Variants in NAALADL1 observed in about 807,000 individuals in gnomAD.
NAALADL1 encodes the protein aminopeptidase NAALADL1.
NAALADL1 carries 77 observed loss-of-function variants against 82.8 expected under a neutral mutation model. The ratio of observed to expected loss-of-function variants is 0.93; its 90% CI spans 0.77 to 1.12. The LOEUF is 1.12. Among genes scored for constraint, NAALADL1 ranks in the 50% most tolerant of loss-of-function variants. The probability of loss-of-function intolerance (pLI) is 0.00; values close to 1 mark genes in which losing one functional copy is unlikely to be tolerated. For synonymous variants in NAALADL1, 358 were observed against 399.2 expected (o/e 0.90, Z 1.23); for missense variants, 956 against 964.0 (o/e 0.99, Z 0.11).
At chr11:65,060,475 G>A (rs1369796362), upstream of NAALADL1, among the ~76,000 whole-genome samples, 1 of 152,138 alleles carries the variant, frequency 6.6e-6, no homozygotes, top group Non-Finnish European at 1.5e-5. Context: ...GGATGCCAAG[G>A]TCAGCTGATA....
In NAALADL1 at chr11:65,058,411, G is replaced by A. The variant is rs754980357; in HGVS notation, c.111C>T (p.Pro37=). The A allele has an allele frequency of 6.2e-7, 1 of 1,614,040 alleles. No homozygotes were observed. The highest frequency in any genetic ancestry group is 1.3e-5 in the African/African-American group (1 of 74,922). The change falls in exon 1 of 18, where the codon CCC becomes CCT. Residue 37 remains proline (P), a synonymous_variant. Coordinates refer to ENST00000358658, the MANE Select transcript of NAALADL1 (RefSeq NM_005468.3). ...AIPKKANSLA[P]QDLDLEILET... ...CCAGGATCTCCAGGTCCAGGTCCTG[G>A]GGGGCCAGTGAGTTGGCTTTTTTGG... is the stretch of plus-strand genomic sequence containing the variant.
At chr11:65,057,549 A>G (rs961152452) in intron 3 of NAALADL1, 56 bp from the exon 4 acceptor site, 9 of 1,570,442 alleles carry the variant, frequency 5.7e-6, no homozygotes, top group Non-Finnish European at 7.8e-6. Flanking sequence ...GTGGGTGGGG[A>G]AGGGGGGTGG....
In NAALADL1 at chr11:65,046,332, G is replaced by C; in HGVS notation, c.1712C>G (p.Thr571Arg). Reference protein sequence around the residue: ...GFSSHQAVARTAGSVILRLSD... With the variant: ...GFSSHQAVARRAGSVILRLSD... Reference sequence around the variant, plus strand: ...GAGCCGGAGAATCACACTCCCCGCTGTCCGGGCCACAGCCTGATGGCTGCT... The same window carrying C: ...GAGCCGGAGAATCACACTCCCCGCTCTCCGGGCCACAGCCTGATGGCTGCT... The change falls in exon 15 of 18, where the codon ACA becomes AGA. Residue 571 changes from threonine to arginine, a missense_variant. Physicochemically the swap from Thr to Arg is moderately conservative, Grantham distance 71 (BLOSUM62 -1). Coordinates refer to ENST00000358658, the MANE Select transcript of NAALADL1 (RefSeq NM_005468.3). 1 of 1,614,220 alleles carries C rather than the reference G, an allele frequency of 6.2e-7. No individual in the cohort carries two copies. Among genetic ancestry groups the C allele is most frequent in the Non-Finnish European group, 8.5e-7 (1 of 1,180,046 alleles).
At chr11:65,059,456 G>A (rs1346935384), upstream of NAALADL1, among the ~76,000 whole-genome samples, 1 of 152,172 alleles carries the variant, frequency 6.6e-6, no homozygotes, top group Non-Finnish European at 1.5e-5. Flanking sequence ...GAAGAAGGAG[G>A]ACCCAGAAGA....
At chr11:65,060,123 CGTGTGT>C (rs139317710), upstream of NAALADL1, among the ~76,000 whole-genome samples, 259 of 147,462 alleles carry the variant, frequency 1.8e-3, no homozygotes, top group African/African-American at 5.9e-3. Flanking sequence ...CAGGGCAGAG[CGTGTGT>C]GTGTGTGTGT....
intron 4 of NAALADL1, among the ~76,000 whole-genome samples, chr11:65,055,918 T>C (rs1326423494): frequency 2.7e-5 from 4 of 149,858 alleles, no homozygotes; most frequent in Non-Finnish European, 4.4e-5. Flanking sequence ...GAGGTCTTGC[T>C]CTTGTCCCCC....
upstream of NAALADL1, among the ~76,000 whole-genome samples, chr11:65,060,666 C>T (rs777725614): frequency 4.6e-5 from 7 of 152,156 alleles, no homozygotes; most frequent in Non-Finnish European, 1.0e-4. Flanking sequence ...GTGTGTGACA[C>T]CCAAGAGATC....
At position 65,047,530 on chromosome 11, in the gene NAALADL1, G is replaced by A; in HGVS notation, c.1544C>T (p.Pro515Leu). Reference protein sequence around the residue: ...GSLGAGSDYAPFVHFLGISSM... With the variant: ...GSLGAGSDYALFVHFLGISSM... ...GGAGATGCCCAGGAAGTGAACGAAG[G>A]GTGCATAGTCGCTGCCAGCACCCAG... is the stretch of plus-strand genomic sequence containing the variant. The change falls in exon 13 of 18, where the codon CCC becomes CTC. Residue 515 changes from proline to leucine, a missense_variant. Physicochemically the swap from Pro to Leu is moderately conservative, Grantham distance 98. Coordinates refer to ENST00000358658, the MANE Select transcript of NAALADL1 (RefSeq NM_005468.3). The A allele has an allele frequency of 6.4e-7, 1 of 1,572,394 alleles. No homozygotes were observed. The highest frequency in any genetic ancestry group is 8.6e-7 in the Non-Finnish European group (1 of 1,158,768).
Position 65,054,477 on chromosome 11 carries a change from G to A in NAALADL1, c.865C>T (p.Gln289Ter), listed in dbSNP as rs1431177763. ...PPIPTQPIGF[Q>*]DARDLLCNLN... ...CACCAGAGCAGGTCTCTTGCATCCT[G>A]GAAGCCAATGGGCTGTGTAGGAATT... Residue 289 changes from glutamine to a stop codon, truncating the protein, a stop_gained, in exon 5 of 18, where the codon CAG becomes TAG. Coordinates refer to ENST00000358658, the MANE Select transcript of NAALADL1 (RefSeq NM_005468.3). LOFTEE classifies it high-confidence loss of function. This position sits in a 1 kb window ranked among gnomAD's most constrained non-coding sequence, Gnocchi z 4.3. 3 of 1,614,000 alleles carry A rather than the reference G, an allele frequency of 1.9e-6. No individual in the cohort carries two copies. The African/African-American group carries it at 4.0e-5, about 22-fold the overall frequency.
chr11:65,045,961 A>T (rs376296923), intron 16 of NAALADL1, 47 bp from the exon 17 acceptor site: 8 of 1,612,148 alleles, frequency 5.0e-6, no homozygotes, highest in Non-Finnish European at 5.9e-6. Flanking sequence ...CCAGCAGCCC[A>T]GCTACCAGCC....
At chr11:65,051,086 G>GT (rs1456185521) in intron 8 of NAALADL1, among the ~76,000 whole-genome samples, 6 of 151,974 alleles carry the variant, frequency 3.9e-5, no homozygotes, top group African/African-American at 1.5e-4. Flanking sequence ...TTACATCTCT[G>GT]TAAGTCTGAA....
rs1946942669 is a variant in NAALADL1, at chr11:65,053,342, C to T, written c.1079-5G>A. 6.3e-7 allele frequency: 1 copy of T among 1,588,830 alleles called. No homozygotes were observed. The highest frequency in any genetic ancestry group is 1.1e-5 in the South Asian group (1 of 87,710). ...TCCCATACAGCACGTAGCGATCTGG[C>T]CAGAGGAAAAGGGGCAGAGAACCAG... On this transcript the variant is annotated splice_region_variant and splice_polypyrimidine_tract_variant and intron_variant, in intron 7 of 17. Transcript: ENST00000358658. The surrounding 1 kb of genome is among the most constrained non-coding windows in gnomAD (Gnocchi z 4.3).
rs1212454499 is a variant in NAALADL1, at chr11:65,058,071, A to G, written c.358+7T>C. 6.8e-6 allele frequency: 11 copies of G among 1,611,010 alleles called. No individual in the cohort carries two copies. Among genetic ancestry groups the G allele is most frequent in the African/African-American group, 1.3e-5 (1 of 74,852 alleles). On this transcript the variant is annotated splice_region_variant and intron_variant, in intron 2 of 17. Transcript: ENST00000358658. Reference sequence around the variant, plus strand: ...CCGGGCATTCCCAAGACTGGGCAGGACCTCACCGATGTCCACGACGTTGGG... The same window carrying G: ...CCGGGCATTCCCAAGACTGGGCAGGGCCTCACCGATGTCCACGACGTTGGG...
intron 8 of NAALADL1, among the ~76,000 whole-genome samples, chr11:65,050,568 T>A (rs1946859796): frequency 6.6e-6 from 1 of 150,488 alleles, no homozygotes; most frequent in Admixed American, 6.7e-5. Context: ...AGCGGGTGGA[T>A]CACCTGAGGT....
At position 65,045,842 on chromosome 11, in the gene NAALADL1, G is replaced by C. The variant is rs147599851; in HGVS notation, c.2016C>G (p.Phe672Leu). The change falls in exon 17 of 18, where the codon TTC (phenylalanine) becomes TTG (leucine). Residue 672 changes from phenylalanine to leucine, a missense_variant. Transcript: ENST00000358658. ...LERTFLNPRA[F>L]PEERYYSHVL... Reference sequence around the variant, plus strand: ...CTCACCTGTAGTAGCGTTCCTCTGGGAAGGCTCTAGGGTTCAGAAAGGTCC... The same window carrying C: ...CTCACCTGTAGTAGCGTTCCTCTGGCAAGGCTCTAGGGTTCAGAAAGGTCC... 3.6e-5 allele frequency: 58 copies of C among 1,614,066 alleles called. 1 individual carries two copies. Among genetic ancestry groups the C allele is most frequent in the Middle Eastern group, 3.3e-4 (2 of 6,026 alleles).
In NAALADL1 at chr11:65,054,414, G is replaced by T; in HGVS notation, c.887+41C>A. On this transcript the variant is annotated intron_variant, in intron 5 of 17. Transcript: ENST00000358658. The surrounding 1 kb of genome is among the most constrained non-coding windows in gnomAD (Gnocchi z 4.3). ...TGAGTGTGGGGCTTGAAGTCTGGAG[G>T]CCACTGGGGCTGGGCAGGACACCCC... The T allele has an allele frequency of 6.2e-7, 1 of 1,612,346 alleles. No homozygotes were observed. Among genetic ancestry groups the T allele is most frequent in the Non-Finnish European group, 8.5e-7 (1 of 1,178,624 alleles).
chr11:65,053,004 C>T lies in NAALADL1; in HGVS notation c.1198+214G>A, dbSNP rs955562867. Among the ~76,000 whole-genome samples, 8 of 152,260 alleles carry T rather than the reference C, an allele frequency of 5.3e-5. No homozygotes were observed. The highest frequency in any genetic ancestry group is 2.1e-4 in the South Asian group (1 of 4,836). On this transcript the variant is annotated intron_variant, in intron 8 of 17. Transcript: ENST00000358658. The surrounding 1 kb of genome is among the most constrained non-coding windows in gnomAD (Gnocchi z 4.3). ...TCGGGCCTTGCTCCATCCAGGCACA[C>T]GGGAGGCACTTGGAAGCGGCACATG...
intron 9 of NAALADL1, 23 bp downstream of exon 9, chr11:65,048,277 C>T (rs1460497742): frequency 5.6e-6 from 9 of 1,614,038 alleles, no homozygotes; most frequent in Non-Finnish European, 6.8e-6. Context: ...CCTTTCGATC[C>T]CCTACCCTGT....
rs772716686 is a variant in NAALADL1, at chr11:65,057,858, G to T, written c.480+17C>A. On this transcript the variant is annotated intron_variant, in intron 3 of 17. Coordinates refer to ENST00000358658, the MANE Select transcript of NAALADL1 (RefSeq NM_005468.3). The stretch of plus-strand genomic sequence containing the variant: ...AAGGGAGCTGGGCCAGAGCAGTAGG[G>T]GGGGTTCTGGGCCCACCTGTGGGGT... 6.2e-7 allele frequency: 1 copy of T among 1,613,100 alleles called. No individual in the cohort carries two copies. The highest frequency in any genetic ancestry group is 1.1e-5 in the South Asian group (1 of 91,032).
Sources: gnomAD v4.1 joint callset for allele counts (sites outside exome capture counted in the v4.1 genomes callset) on GRCh38, gnomAD v4.1.1 for gene constraint, Gnocchi (gnomAD v3.1) non-coding constraint, MANE v1.5 for transcripts, NCBI Gene and HGNC (gene_info 2026-07-23, HGNC 2026-07-21) for gene names.